HDAC1: variants seen among roughly 807,000 people sequenced by gnomAD.
HDAC1 encodes histone deacetylase 1, also known as protein deacetylase HDAC1.
HDAC1 carries 18 observed loss-of-function variants against 65.5 expected under a neutral mutation model. That is an observed-to-expected ratio of 0.27 (90% CI 0.19 to 0.41). The LOEUF (loss-of-function observed/expected upper bound fraction) is 0.41. Among genes scored for constraint, HDAC1 ranks in the 10% least tolerant of loss-of-function variants. The probability of loss-of-function intolerance (pLI) is 1.00; values close to 1 mark genes in which losing one functional copy is unlikely to be tolerated. For synonymous variants in HDAC1, 211 were observed against 227.9 expected (o/e 0.93, Z 0.67); for missense variants, 373 against 625.2 (o/e 0.60, Z 4.30).
At chr1:32,314,510 A>T (rs1186217111) in intron 2 of HDAC1, among the ~76,000 whole-genome samples, 1 of 151,892 alleles carries the variant, frequency 6.6e-6, no homozygotes, top group Non-Finnish European at 1.5e-5. Context: ...GATCTTCCTT[A>T]TTTTTATAAA....
chr1:32,310,753 G>A (rs1215910770), intron 2 of HDAC1, among the ~76,000 whole-genome samples: 1 of 151,926 alleles, frequency 6.6e-6, no homozygotes, highest in Non-Finnish European at 1.5e-5. Context: ...GGGAGGCTGG[G>A]GCAAGAGAAT....
At chr1:32,328,932 C>T (rs1570039387) in intron 6 of HDAC1, 136 bp from the exon 7 acceptor site, 5 of 684,632 alleles carry the variant, frequency 7.3e-6, no homozygotes, top group Non-Finnish European at 1.3e-5. Context: ...TAACAAGGTA[C>T]CTCTGTTCTG....
In HDAC1 at chr1:32,332,130, C is replaced by T. The variant is rs200582785; in HGVS notation, c.1260C>T (p.Phe420=). The change falls in exon 12 of 14, where the codon TTC becomes TTT. Residue 420 remains phenylalanine, a synonymous_variant. Transcript: ENST00000373548. ...AACGAATTGCCTGTGAGGAAGAGTTCTCCGATTCTGAAGAGGAGGGAGAGG... is the reference window on the plus strand; with the variant it reads ...AACGAATTGCCTGTGAGGAAGAGTTTTCCGATTCTGAAGAGGAGGGAGAGG... The part of the protein sequence containing the change: ...SDKRIACEEE[F]SDSEEEGEGG... The T allele has an allele frequency of 1.2e-6, 2 of 1,611,690 alleles. No homozygotes were observed. The highest frequency in any genetic ancestry group is 1.7e-6 in the Non-Finnish European group (2 of 1,178,916).
intron 1 of HDAC1, 53 bp from the exon 2 acceptor site, chr1:32,302,568 C>T: frequency 1.1e-6 from 1 of 874,050 alleles, no homozygotes; most frequent in South Asian, 1.3e-5. Context: ...CTGGGTTCTC[C>T]TGGTAGTGTA....
chr1:32,317,106 G>A (rs949050145), intron 3 of HDAC1, among the ~76,000 whole-genome samples: 5 of 152,196 alleles, frequency 3.3e-5, no homozygotes, highest in Non-Finnish European at 7.3e-5. Flanking sequence ...AGCTGAGTGG[G>A]CAAGTCACTT....
chr1:32,321,251 A>G (rs1205111492), intron 3 of HDAC1, among the ~76,000 whole-genome samples: 1 of 151,724 alleles, frequency 6.6e-6, no homozygotes, highest in Non-Finnish European at 1.5e-5. Flanking sequence ...AAATAATAAT[A>G]ATAATATAAT....
rs1640859182 is a variant in HDAC1 at position 32,302,330 on chromosome 1, C to G, written c.50-291C>G. ...GGAGGTATAGTGAGGTGAATCATTT[C>G]ACTGGCTGTTGTTCCCCAGTAGCTT... On this transcript the variant is annotated intron_variant, in intron 1 of 13. Transcript: ENST00000373548. Among the ~76,000 whole-genome samples the G allele has an allele frequency of 2.0e-5, 3 of 152,214 alleles. No individual in the cohort carries two copies. In the South Asian group the frequency reaches 6.2e-4, roughly 32 times the overall value.
Position 32,330,316 on chromosome 1 carries a change from C to T in HDAC1, c.730-262C>T, listed in dbSNP as rs1015985324. The T allele has an allele frequency of 2.2e-6, 1 of 447,738 alleles. No homozygotes were observed. Among genetic ancestry groups the T allele is most frequent in the African/African-American group, 2.0e-5 (1 of 50,494 alleles). 27.7% of individuals were successfully genotyped at this position (447,738 alleles called of 1,614,324 possible). On this transcript the variant is annotated intron_variant, in intron 7 of 13. Coordinates refer to ENST00000373548, the MANE Select transcript of HDAC1 (RefSeq NM_004964.3). This position sits in a 1 kb window ranked among gnomAD's most constrained non-coding sequence, Gnocchi z 4.2. ...ACTAGAGCTTGGGCAACAGAAGAGA[C>T]TTAGGGAGTTGAGAGGGAGGCCATT...
intron 1 of HDAC1, 107 bp downstream of exon 1, chr1:32,292,325 G>A (rs865805993): frequency 1.3e-6 from 2 of 1,528,926 alleles, no homozygotes; most frequent in South Asian, 1.2e-5. Flanking sequence ...TGAGGCGCTG[G>A]GGAGAGGCTC....
In HDAC1 at chr1:32,329,150, T is replaced by C; in HGVS notation, c.719T>C (p.Ile240Thr). The C allele has an allele frequency of 6.2e-7, 1 of 1,605,868 alleles. No homozygotes were observed. Among genetic ancestry groups the C allele is most frequent in the Non-Finnish European group, 8.5e-7 (1 of 1,172,524 alleles). The change falls in exon 7 of 14, where the codon ATT (isoleucine) becomes ACT (threonine). Residue 240 changes from isoleucine (I) to threonine (T), a missense_variant. Ile to Thr is a moderately conservative substitution (Grantham distance 89). This residue lies in a region of HDAC1 where 105 missense variants were observed against 192.6 expected (regional missense o/e 0.55). Transcript: ENST00000373548. The surrounding 1 kb of genome is among the most constrained non-coding windows in gnomAD (Gnocchi z 4.1). ...ATTGATGACGAGTCCTATGAGGCCA[T>C]TTTCAAGCCGGTAAGTGGCTTTATC... ...DGIDDESYEA[I>T]FKPVMSKVME...
At position 32,331,694 on chromosome 1, in the gene HDAC1, C is replaced by A. The variant is rs759651138; in HGVS notation, c.1107C>A (p.Asn369Lys). 1.9e-6 allele frequency: 3 copies of A among 1,613,846 alleles called. No homozygotes were observed. Among genetic ancestry groups the A allele is most frequent in the Non-Finnish European group, 2.5e-6 (3 of 1,179,894 alleles). ...LEKIKQRLFE[N>K]LRMLPHAPGV... Reference sequence around the variant, plus strand: ...GCCACAGACAGCGACTGTTTGAGAACCTTAGAATGCTGCCGCACGCACCTG... The same window carrying A: ...GCCACAGACAGCGACTGTTTGAGAAACTTAGAATGCTGCCGCACGCACCTG... The change falls in exon 11 of 14, where the codon AAC (asparagine) becomes AAA (lysine). Residue 369 changes from asparagine to lysine, a missense_variant. Around this residue, in one of 4 missense-constraint regions of HDAC1, gnomAD observed 105 missense variants for 192.6 expected, o/e 0.55. Transcript: ENST00000373548. The surrounding 1 kb of genome is among the most constrained non-coding windows in gnomAD (Gnocchi z 4.2).
At chr1:32,306,496 G>A (rs1461174512) in intron 2 of HDAC1, among the ~76,000 whole-genome samples, 1 of 152,100 alleles carries the variant, frequency 6.6e-6, no homozygotes, top group African/African-American at 2.4e-5. Context: ...TTACTCTGTT[G>A]CCTGGGCTAG....
rs779882929 is a variant in HDAC1, at chr1:32,331,466, CCAAT to C, written c.980-5_980-2del. The C allele has an allele frequency of 1.3e-6, 2 of 1,552,156 alleles. No homozygotes were observed. The highest frequency in any genetic ancestry group is 1.8e-6 in the Non-Finnish European group (2 of 1,123,672). ...TCTCTTGACGGTCTTCTCTCCTGCC[CCAAT>C]CAGAGCTTCCATACAATGACTACTT... On this transcript the variant is annotated splice_polypyrimidine_tract_variant and splice_region_variant and intron_variant, in intron 9 of 13. Coordinates refer to ENST00000373548, the MANE Select transcript of HDAC1 (RefSeq NM_004964.3). This position sits in a 1 kb window ranked among gnomAD's most constrained non-coding sequence, Gnocchi z 4.2.
At chr1:32,301,768 CA>C (rs1031170376) in intron 1 of HDAC1, among the ~76,000 whole-genome samples, 1 of 151,310 alleles carries the variant, frequency 6.6e-6, no homozygotes, top group African/African-American at 2.4e-5. Flanking sequence ...AGACTTGTCT[CA>C]AAAAAAAGAA....
Position 32,317,577 on chromosome 1 carries a change from C to T in HDAC1, c.280+795C>T, listed in dbSNP as rs201443281. On this transcript the variant is annotated intron_variant, in intron 3 of 13. Coordinates refer to ENST00000373548, the MANE Select transcript of HDAC1 (RefSeq NM_004964.3). ...TGCTGCTGACCACAAGGTAGTCTTA[C>T]TCCCAAGGAAGAAAGTTATTTATAA... Among the ~76,000 whole-genome samples, 37 of 152,268 alleles carry T rather than the reference C, an allele frequency of 2.4e-4. 2 individuals are homozygous for T. The East Asian group carries it at 5.4e-3, about 22-fold the overall frequency.
chr1:32,331,449 C>A lies in HDAC1; in HGVS notation c.980-25C>A. 2.9e-6 allele frequency: 4 copies of A among 1,388,728 alleles called. No individual in the cohort carries two copies. Among genetic ancestry groups the A allele is most frequent in the South Asian group, 1.2e-5 (1 of 86,470 alleles). 86.0% of individuals were successfully genotyped at this position (1,388,728 alleles called of 1,614,324 possible). On this transcript the variant is annotated intron_variant, in intron 9 of 13. Transcript: ENST00000373548. The surrounding 1 kb of genome is among the most constrained non-coding windows in gnomAD (Gnocchi z 4.2). ...AGGGTGCGGTGGCCAGGTCTCTTGA[C>A]GGTCTTCTCTCCTGCCCCAATCAGA...
At chr1:32,319,702 G>A (rs1641113383) in intron 3 of HDAC1, among the ~76,000 whole-genome samples, 1 of 152,124 alleles carries the variant, frequency 6.6e-6, no homozygotes, top group South Asian at 2.1e-4. Flanking sequence ...TTCAAGACCA[G>A]CCTGGGCAGC....
At chr1:32,309,346 T>A (rs1255401090) in intron 2 of HDAC1, among the ~76,000 whole-genome samples, 1 of 152,084 alleles carries the variant, frequency 6.6e-6, no homozygotes, top group Admixed American at 6.6e-5. Context: ...GGACAGCTTT[T>A]TGGGGGAATT....
chr1:32,328,976 C>T, intron 6 of HDAC1, 92 bp from the exon 7 acceptor site: 1 of 824,074 alleles, frequency 1.2e-6, no homozygotes, highest in Non-Finnish European at 2.2e-6. Context: ...GCTTGTCTCT[C>T]TTGAACCTCT....
Sources: allele counts gnomAD v4.1 joint callset (sites outside exome capture counted in the v4.1 genomes callset), GRCh38; gene constraint gnomAD v4.1.1; regional missense constraint gnomAD v4.1.1; non-coding constraint Gnocchi (gnomAD v3.1); transcripts MANE v1.5; gene names NCBI Gene and HGNC (gene_info 2026-07-23, HGNC 2026-07-21).